CCDC6: variants seen among roughly 807,000 people sequenced by gnomAD.
CCDC6 encodes the protein coiled-coil domain containing 6.
Under a neutral mutation model 56.6 loss-of-function variants are expected in CCDC6, and 20 were observed. The observed-to-expected ratio is 0.35, with a 90% CI of 0.25 to 0.51. CCDC6 has a LOEUF of 0.51. CCDC6 is among the 20% of genes least tolerant of loss of function. CCDC6 has a pLI of 0.95. For synonymous variants in CCDC6, 241 were observed against 234.4 expected, an observed-to-expected ratio of 1.03 and a Z score of -0.26; for missense variants, 367 against 601.1, an observed-to-expected ratio of 0.61 and a Z score of 4.07.
chr10:59,878,082 C>T (rs969463233), intron 1 of CCDC6, among the ~76,000 whole-genome samples: 8 of 152,044 alleles, frequency 5.3e-5, no homozygotes, highest in African/African-American at 1.9e-4. Context: ...TGTGTTTAGA[C>T]AAAATTAGAC....
chr10:59,808,496 TGTGG>T (rs1424262543), intron 5 of CCDC6, among the ~76,000 whole-genome samples: 1 of 152,210 alleles, frequency 6.6e-6, no homozygotes, highest in African/African-American at 2.4e-5. Flanking sequence ...TAATACAAAA[TGTGG>T]TGTCTACCCA....
chr10:59,885,079 A>C (rs1589061598), intron 1 of CCDC6, among the ~76,000 whole-genome samples: 1 of 150,962 alleles, frequency 6.6e-6, no homozygotes, highest in East Asian at 2.0e-4. Flanking sequence ...CAACAACAGA[A>C]AGAAAGGAAA....
rs767836005 is a variant in CCDC6, at chr10:59,906,122, G to T, written c.303C>A (p.Ile101=). The change falls in exon 1 of 9, where the codon ATC becomes ATA. Residue 101 remains isoleucine (I), a splice_region_variant and synonymous_variant. Transcript: ENST00000263102. ...NRDLRKASVT[I]QARAEQEEEF... ...CGGCGCGTCCCCGGGGGGCACTCAC[G>T]ATGGTCACGCTGGCTTTGCGCAGGT... is the stretch of plus-strand genomic sequence containing the variant. 69 of 1,587,962 alleles carry T rather than the reference G, an allele frequency of 4.3e-5. No homozygotes were observed. Among genetic ancestry groups the T allele is most frequent in the Non-Finnish European group, 5.8e-5 (67 of 1,164,112 alleles).
At chr10:59,811,111 C>T (rs193300358) in intron 5 of CCDC6, among the ~76,000 whole-genome samples, 3 of 152,224 alleles carry the variant, frequency 2.0e-5, no homozygotes, top group African/African-American at 7.2e-5. Context: ...CTGATTTTAG[C>T]CTAGTGAGTC....
At chr10:59,863,028 C>A (rs773696357) in intron 1 of CCDC6, among the ~76,000 whole-genome samples, 5 of 151,772 alleles carry the variant, frequency 3.3e-5, no homozygotes, top group African/African-American at 4.8e-5. Context: ...AATTAAAAAG[C>A]AATGAAATCA....
chr10:59,904,701 T>C (rs2071529704), intron 1 of CCDC6, among the ~76,000 whole-genome samples: 1 of 152,248 alleles, frequency 6.6e-6, no homozygotes. Context: ...CACATGAAAG[T>C]TGCTCCAATT....
intron 1 of CCDC6, among the ~76,000 whole-genome samples, chr10:59,877,808 T>C (rs909970287): frequency 6.6e-6 from 1 of 152,106 alleles, no homozygotes; most frequent in Non-Finnish European, 1.5e-5. Context: ...CAACCAATAA[T>C]TGTTCATCAG....
chr10:59,798,956 T>C (rs943900891), intron 7 of CCDC6, among the ~76,000 whole-genome samples: 1 of 130,772 alleles, frequency 7.6e-6, no homozygotes, highest in Admixed American at 9.4e-5. Flanking sequence ...ATCATGCCAC[T>C]GCACTCCAGC....
intron 1 of CCDC6, among the ~76,000 whole-genome samples, chr10:59,893,633 TAC>T (rs1171496854): frequency 3.7e-5 from 4 of 108,226 alleles, no homozygotes; most frequent in African/African-American, 1.0e-4. Flanking sequence ...CATACATACA[TAC>T]ATACATACAT....
chr10:59,886,281 A>C (rs553715845), intron 1 of CCDC6, among the ~76,000 whole-genome samples: 2 of 152,326 alleles, frequency 1.3e-5, no homozygotes, highest in South Asian at 4.1e-4. Flanking sequence ...AGGAAGAAGG[A>C]GGCTACAATA....
intron 2 of CCDC6, 73 bp downstream of exon 2, chr10:59,852,480 G>A (rs1337616052): frequency 8.1e-7 from 1 of 1,232,376 alleles, no homozygotes; most frequent in African/African-American, 1.5e-5. Context: ...CAAGCAAAGT[G>A]CTATATCAAA....
At chr10:59,862,536 C>CATATAT (rs2071140665) in intron 1 of CCDC6, among the ~76,000 whole-genome samples, 1 of 109,014 alleles carries the variant, frequency 9.2e-6, no homozygotes, top group Non-Finnish European at 1.8e-5. Flanking sequence ...CACACACACA[C>CATATAT]ACACACACAC....
Position 59,792,164 on chromosome 10 carries a change from A to T in CCDC6, c.*753T>A. The T allele has an allele frequency of 4.2e-6, 1 of 238,230 alleles. No individual in the cohort carries two copies. Among genetic ancestry groups the T allele is most frequent in the Non-Finnish European group, 8.3e-6 (1 of 120,202 alleles). 14.8% of individuals were successfully genotyped at this position (238,230 alleles called of 1,614,324 possible). ...CCGGTGAGTAGGACAACATTTATCG[A>T]CTCATGTTAGAGGGGGCCAGGTTAA... On this transcript the variant is annotated 3_prime_UTR_variant, in exon 9 of 9. Coordinates refer to ENST00000263102, the MANE Select transcript of CCDC6 (RefSeq NM_005436.5).
intron 2 of CCDC6, among the ~76,000 whole-genome samples, chr10:59,848,478 A>G (rs900862875): frequency 1.3e-5 from 2 of 152,162 alleles, no homozygotes; most frequent in African/African-American, 2.4e-5. Context: ...CAGGAGTTCA[A>G]GACCAGCCTG....
At chr10:59,899,909 T>C (rs1276360494) in intron 1 of CCDC6, among the ~76,000 whole-genome samples, 3 of 152,194 alleles carry the variant, frequency 2.0e-5, no homozygotes, top group Admixed American at 6.5e-5. Context: ...AAGTATACAA[T>C]GCATCCATTC....
chr10:59,882,115 CCGGGGGGAGAAGGAAAGGAAAGCCG>C (rs1564755877), intron 1 of CCDC6, among the ~76,000 whole-genome samples: 1 of 87,562 alleles, frequency 1.1e-5, no homozygotes, highest in African/African-American at 4.0e-5. Flanking sequence ...GAAAGGAAAG[CCGGGGGGAGAAGGAAAGGAAAGCCG>C]CGGGGAGAAG....
At chr10:59,832,795 C>G in intron 2 of CCDC6, 142 bp from the exon 3 acceptor site, 1 of 713,086 alleles carries the variant, frequency 1.4e-6, no homozygotes, top group Non-Finnish European at 2.3e-6. Context: ...AAGTATATAC[C>G]TAGTAATCTG....
intron 1 of CCDC6, among the ~76,000 whole-genome samples, chr10:59,883,058 G>GA (rs375624617): frequency 9.8e-4 from 149 of 152,128 alleles, no homozygotes; most frequent in African/African-American, 3.2e-3. Flanking sequence ...GTAGGAAAAA[G>GA]AAAAAAATGA....
chr10:59,803,379 C>T (rs1432803638), intron 7 of CCDC6, among the ~76,000 whole-genome samples: 7 of 152,022 alleles, frequency 4.6e-5, no homozygotes, highest in African/African-American at 1.2e-4. Flanking sequence ...TGATGCAACG[C>T]TGTTTTACTT....
Sources: allele counts gnomAD v4.1 joint callset (sites outside exome capture counted in the v4.1 genomes callset), GRCh38; gene constraint gnomAD v4.1.1; transcripts MANE v1.5; gene names NCBI Gene and HGNC (gene_info 2026-07-23, HGNC 2026-07-21).